The following AKT3 variants were observed in gnomAD, a reference collection of about 807,000 sequenced individuals.
AKT3 encodes AKT serine/threonine kinase 3, also known as RAC-gamma serine/threonine-protein kinase.
In AKT3, 15 loss-of-function variants were observed where a neutral mutation model predicts 65.3. That is an observed-to-expected ratio of 0.23 (90% CI 0.15 to 0.35). AKT3 has a LOEUF of 0.35. AKT3 is among the 10% of genes least tolerant of loss of function. The pLI, the probability that AKT3 is intolerant of heterozygous loss-of-function variation, is 1.00. For synonymous variants in AKT3, 206 were observed against 183.8 expected, an observed-to-expected ratio of 1.12 and a Z score of -0.98; for missense variants, 243 against 576.5, an observed-to-expected ratio of 0.42 and a Z score of 5.92.
chr1:243,603,471 C>G (rs1677164327), intron 8 of AKT3, among the ~76,000 whole-genome samples: 1 of 152,334 alleles, frequency 6.6e-6, no homozygotes, highest in Non-Finnish European at 1.5e-5. Flanking sequence ...CTCTCTGCCT[C>G]TACACCTGTG....
At chr1:243,819,299 T>C (rs1693717142) in intron 2 of AKT3, among the ~76,000 whole-genome samples, 1 of 152,198 alleles carries the variant, frequency 6.6e-6, no homozygotes, top group Non-Finnish European at 1.5e-5. Flanking sequence ...GGCCGTTTTT[T>C]CCCTGCTGGT....
At chr1:243,713,178 CCTGA>C (rs920285062) in intron 2 of AKT3, among the ~76,000 whole-genome samples, 1 of 152,172 alleles carries the variant, frequency 6.6e-6, no homozygotes, top group Non-Finnish European at 1.5e-5. Flanking sequence ...CACCAAATCA[CCTGA>C]CTGATTCCTT....
chr1:243,533,905 G>A (rs1380500905), intron 12 of AKT3, among the ~76,000 whole-genome samples: 1 of 152,192 alleles, frequency 6.6e-6, no homozygotes, highest in Non-Finnish European at 1.5e-5. Context: ...CAGGAGAATA[G>A]TGTGAAGCCG....
intron 2 of AKT3, among the ~76,000 whole-genome samples, chr1:243,699,453 C>T (rs1685280106): frequency 7.9e-6 from 1 of 126,822 alleles, no homozygotes; most frequent in Non-Finnish European, 1.6e-5. Flanking sequence ...ACTTCCAACC[C>T]AACCTCTTCC....
Position 243,501,261 on chromosome 1 carries a change from C to G in AKT3, c.*3988G>C, listed in dbSNP as rs149318674. On this transcript the variant is annotated 3_prime_UTR_variant, in exon 14 of 14. Coordinates refer to ENST00000673466, the MANE Select transcript of AKT3 (RefSeq NM_005465.7). ...TGAAGTCAGACTGCAGTCCAGCCAT[C>G]CTACCCATCTACATCACCCACGTCT... The G allele has an allele frequency of 2.6e-4, 61 of 233,040 alleles. No individual in the cohort carries two copies. The highest frequency in any genetic ancestry group is 1.2e-3 in the African/African-American group (55 of 45,446). The allele number at this position is 233,040 out of a possible 1,614,324, so 14.4% of individuals were successfully genotyped here. A position where few individuals can be genotyped will look rare whatever the true frequency, so the allele number is the denominator to read the frequency against.
intron 13 of AKT3, among the ~76,000 whole-genome samples, 179 bp downstream of exon 13, chr1:243,512,145 C>T (rs1670053275): frequency 6.6e-6 from 1 of 152,176 alleles, no homozygotes; most frequent in South Asian, 2.1e-4. Context: ...GATATTACCA[C>T]TGGGAACTCA....
intron 13 of AKT3, among the ~76,000 whole-genome samples, chr1:243,510,557 A>G (rs1457063296): frequency 6.6e-6 from 1 of 152,204 alleles, no homozygotes; most frequent in Admixed American, 6.5e-5. Flanking sequence ...GACAAGAAGG[A>G]GCCATCCAAG....
chr1:243,720,137 A>G (rs1250954101), intron 2 of AKT3, among the ~76,000 whole-genome samples: 1 of 151,984 alleles, frequency 6.6e-6, no homozygotes, highest in Admixed American at 6.6e-5. Context: ...CATCTCTACT[A>G]AAAATACAAA....
At chr1:243,558,189 TCTAA>T (rs1170411643) in intron 10 of AKT3, among the ~76,000 whole-genome samples, 2 of 152,076 alleles carry the variant, frequency 1.3e-5, no homozygotes, top group South Asian at 2.1e-4. Context: ...CAAGTTAGCT[TCTAA>T]CTATTTCCCA....
chr1:243,726,813 T>C (rs1687240001), intron 2 of AKT3, among the ~76,000 whole-genome samples: 1 of 152,194 alleles, frequency 6.6e-6, no homozygotes, highest in Admixed American at 6.5e-5. Flanking sequence ...AGGTAAGAAT[T>C]TGGCAAGAAT....
chr1:243,501,997 C>T lies in AKT3; in HGVS notation c.*3252G>A, dbSNP rs1669346686. 2 of 232,582 alleles carry T rather than the reference C, an allele frequency of 8.6e-6. No individual in the cohort carries two copies. Among genetic ancestry groups the T allele is most frequent in the East Asian group, 6.1e-5 (1 of 16,428 alleles). 14.4% of individuals were successfully genotyped at this position (232,582 alleles called of 1,614,324 possible). A position where few individuals can be genotyped will look rare whatever the true frequency, so the allele number is the denominator to read the frequency against. ...AGTTGCATCTGCTTAAAATCCTTAA[C>T]CAGATGACTAGATCTTGCGCAGATC... is the stretch of plus-strand genomic sequence containing the variant. On this transcript the variant is annotated 3_prime_UTR_variant, in exon 14 of 14. Coordinates refer to ENST00000673466, the MANE Select transcript of AKT3 (RefSeq NM_005465.7).
At chr1:243,837,962 T>C (rs1468733535) in intron 2 of AKT3, among the ~76,000 whole-genome samples, 1 of 152,202 alleles carries the variant, frequency 6.6e-6, no homozygotes, top group African/African-American at 2.4e-5. Context: ...TGTTCGCAGA[T>C]AACTTGACCA....
chr1:243,699,511 A>ATATATATG (rs1685301766), intron 2 of AKT3, among the ~76,000 whole-genome samples: 1 of 113,116 alleles, frequency 8.8e-6, no homozygotes, highest in African/African-American at 3.4e-5. Flanking sequence ...ATATATATAT[A>ATATATATG]TAATCTTCAT....
At chr1:243,843,656 GT>G (rs113990784) in intron 1 of AKT3, 28,919 of 616,264 alleles carry the variant, frequency 0.047, 15 homozygotes, top group Non-Finnish European at 0.051. Flanking sequence ...TAAATTTTTT[GT>G]TTTTTTTTTT....
intron 1 of AKT3, among the ~76,000 whole-genome samples, chr1:243,849,134 T>G (rs970207715): frequency 6.6e-6 from 1 of 152,184 alleles, no homozygotes; most frequent in African/African-American, 2.4e-5. Context: ...GCTTCAACTT[T>G]GGGCTCTGAA....
chr1:243,715,646 A>G (rs956188241), intron 2 of AKT3, among the ~76,000 whole-genome samples: 2 of 152,124 alleles, frequency 1.3e-5, no homozygotes, highest in Non-Finnish European at 2.9e-5. Flanking sequence ...AATCTGCAGA[A>G]AAACATTACA....
chr1:243,760,613 G>A (rs961394974), intron 2 of AKT3, among the ~76,000 whole-genome samples: 29 of 152,102 alleles, frequency 1.9e-4, no homozygotes, highest in Admixed American at 8.5e-4. Flanking sequence ...ATAAACTGAT[G>A]CCCATGTTCT....
intron 2 of AKT3, among the ~76,000 whole-genome samples, chr1:243,697,637 C>T (rs540860521): frequency 4.5e-4 from 68 of 152,068 alleles, no homozygotes; most frequent in Non-Finnish European, 8.2e-4. Context: ...CCTGGCTTAT[C>T]GTGCTATGCT....
chr1:243,612,738 C>G (rs1677962144), intron 8 of AKT3: 1 of 152,268 alleles, frequency 6.6e-6, no homozygotes, highest in East Asian at 1.9e-4. Flanking sequence ...TATTGTCAGT[C>G]TCTTAAATAT....
Sources: gnomAD v4.1 joint callset for allele counts (sites outside exome capture counted in the v4.1 genomes callset) on GRCh38, gnomAD v4.1.1 for gene constraint, MANE v1.5 for transcripts, NCBI Gene and HGNC (gene_info 2026-07-23, HGNC 2026-07-21) for gene names.